INPP4B: variants seen among roughly 807,000 people sequenced by gnomAD.
INPP4B encodes the protein inositol polyphosphate 4-phosphatase type II.
In INPP4B, 55 loss-of-function variants were observed where a neutral mutation model predicts 122.5. The ratio of observed to expected loss-of-function variants is 0.45; its 90% confidence interval spans 0.36 to 0.56. The LOEUF (loss-of-function observed/expected upper bound fraction) is 0.56, where lower values mean the gene tolerates loss of function less well. Among genes scored for constraint, INPP4B ranks in the 20% least tolerant of loss-of-function variants. The pLI, the probability that INPP4B is intolerant of heterozygous loss-of-function variation, is 0.00. For missense variants in INPP4B, 1,000 were observed against 1,097.7 expected (o/e 0.91, Z 1.26); for synonymous variants, 403 against 388.7 (o/e 1.04, Z -0.43).
chr4:142,106,012 C>T (rs938818354), intron 23 of INPP4B, among the ~76,000 whole-genome samples: 2 of 152,110 alleles, frequency 1.3e-5, no homozygotes, highest in Non-Finnish European at 2.9e-5. Context: ...CATATGTCAT[C>T]ATAATTGTAT....
chr4:142,221,791 G>A (rs1849506578), intron 12 of INPP4B, among the ~76,000 whole-genome samples: 1 of 152,124 alleles, frequency 6.6e-6, no homozygotes, highest in Non-Finnish European at 1.5e-5. Context: ...GCAGGTGACT[G>A]AGAAACTAAA....
intron 2 of INPP4B, among the ~76,000 whole-genome samples, chr4:142,653,447 T>A (rs1263423653): frequency 6.6e-6 from 1 of 152,136 alleles, no homozygotes; most frequent in South Asian, 2.1e-4. Context: ...ACCTACTGAA[T>A]GGGAGAAAAT....
intron 17 of INPP4B, among the ~76,000 whole-genome samples, chr4:142,150,113 A>AT (rs1482345898): frequency 6.6e-6 from 1 of 152,172 alleles, no homozygotes; most frequent in Non-Finnish European, 1.5e-5. Context: ...CATTCTGATG[A>AT]TTTTTACTCA....
intron 1 of INPP4B, among the ~76,000 whole-genome samples, chr4:142,751,283 CAAAAAAAA>C (rs70949187): frequency 2.9e-5 from 3 of 105,098 alleles, no homozygotes; most frequent in Admixed American, 1.0e-4. Context: ...TTAACTGTGT[CAAAAAAAA>C]AAAAAAAAAA....
chr4:142,728,050 G>A (rs1561003932), intron 1 of INPP4B, among the ~76,000 whole-genome samples: 1 of 152,136 alleles, frequency 6.6e-6, no homozygotes, highest in Non-Finnish European at 1.5e-5. Flanking sequence ...AAAACTGGAA[G>A]CATAAAAAAA....
intron 7 of INPP4B, among the ~76,000 whole-genome samples, chr4:142,352,000 T>C (rs1488194504): frequency 3.3e-5 from 5 of 152,012 alleles, no homozygotes; most frequent in Non-Finnish European, 7.4e-5. Context: ...TGCTGCCAGA[T>C]ATTCTATAAA....
intron 11 of INPP4B, among the ~76,000 whole-genome samples, chr4:142,248,035 C>T (rs1400509293): frequency 2.0e-5 from 3 of 152,104 alleles, no homozygotes; most frequent in Non-Finnish European, 4.4e-5. Flanking sequence ...CCTCCTGCCC[C>T]TGCCCTCCAG....
At chr4:142,357,092 G>C (rs897889982) in intron 7 of INPP4B, among the ~76,000 whole-genome samples, 1 of 152,018 alleles carries the variant, frequency 6.6e-6, no homozygotes, top group Non-Finnish European at 1.5e-5. Context: ...CTGTTCAGCT[G>C]TATCCTTTAA....
At chr4:142,469,236 G>A (rs1228241104) in intron 2 of INPP4B, among the ~76,000 whole-genome samples, 2 of 151,586 alleles carry the variant, frequency 1.3e-5, no homozygotes, top group Admixed American at 6.6e-5. Flanking sequence ...GCAAAAAATA[G>A]AAAACAAAAT....
At chr4:142,197,682 A>C (rs1487268460) in intron 14 of INPP4B, among the ~76,000 whole-genome samples, 1 of 152,186 alleles carries the variant, frequency 6.6e-6, no homozygotes, top group Non-Finnish European at 1.5e-5. Flanking sequence ...TAAATGAATG[A>C]ATAATTATGA....
At chr4:142,129,678 T>C (rs1800328371) in intron 18 of INPP4B, among the ~76,000 whole-genome samples, 1 of 152,182 alleles carries the variant, frequency 6.6e-6, no homozygotes, top group South Asian at 2.1e-4. Context: ...CTGCTTCGAA[T>C]GTTTTCCAGG....
chr4:142,779,901 G>C (rs949429615), intron 1 of INPP4B, among the ~76,000 whole-genome samples: 1 of 152,076 alleles, frequency 6.6e-6, no homozygotes, highest in African/African-American at 2.4e-5. Context: ...TGGTTGAAGA[G>C]AGTCACAGTG....
At chr4:142,736,171 T>G (rs1406981081) in intron 1 of INPP4B, among the ~76,000 whole-genome samples, 1 of 152,078 alleles carries the variant, frequency 6.6e-6, no homozygotes, top group African/African-American at 2.4e-5. Flanking sequence ...CTGAGTCAGA[T>G]TCTTCATTTC....
rs1368794432 is a variant in INPP4B at position 142,128,813 on chromosome 4, G to A, written c.1721-4053C>T. Among the ~76,000 whole-genome samples, 5 of 152,200 alleles carry A rather than the reference G, an allele frequency of 3.3e-5. No homozygotes were observed. In the East Asian group the frequency reaches 9.7e-4, roughly 30 times the overall value. ...CTCCTCCACACATCATCTATTTCCT[G>A]TGCAGGATGTTCATGTCCTCTGAGC... On this transcript the variant is annotated intron_variant, in intron 18 of 25. Coordinates refer to ENST00000262992, the MANE Select transcript of INPP4B (RefSeq NM_001101669.3).
chr4:142,319,892 C>T (rs1769332682), intron 7 of INPP4B, among the ~76,000 whole-genome samples: 2 of 152,190 alleles, frequency 1.3e-5, no homozygotes, highest in Admixed American at 1.3e-4. Flanking sequence ...TTGTTCACGG[C>T]TCTGTAGGTT....
At chr4:142,618,123 G>A (rs1580516757) in intron 2 of INPP4B, among the ~76,000 whole-genome samples, 1 of 151,814 alleles carries the variant, frequency 6.6e-6, no homozygotes, top group East Asian at 1.9e-4. Flanking sequence ...AATGAATATT[G>A]AAAGACTTAA....
At chr4:142,762,156 T>C (rs1011733864) in intron 1 of INPP4B, among the ~76,000 whole-genome samples, 1 of 152,156 alleles carries the variant, frequency 6.6e-6, no homozygotes, top group African/African-American at 2.4e-5. Context: ...CTACACACTC[T>C]ACATGTCTGT....
chr4:142,276,658 A>G (rs1225359079), intron 9 of INPP4B, among the ~76,000 whole-genome samples: 1 of 151,954 alleles, frequency 6.6e-6, no homozygotes. Flanking sequence ...AAAATTCTTC[A>G]GTATATGGAA....
At chr4:142,819,947 T>G (rs1780599062) in intron 1 of INPP4B, among the ~76,000 whole-genome samples, 1 of 152,066 alleles carries the variant, frequency 6.6e-6, no homozygotes, top group Admixed American at 6.6e-5. Context: ...AAAATTTACT[T>G]GAAATCACCC....
Sources: allele counts gnomAD v4.1 joint callset (sites outside exome capture counted in the v4.1 genomes callset), GRCh38; gene constraint gnomAD v4.1.1; transcripts MANE v1.5; gene names NCBI Gene and HGNC (gene_info 2026-07-23, HGNC 2026-07-21).